The following PGAP4 variants were observed in gnomAD, a reference collection of about 807,000 sequenced individuals.
The protein encoded by PGAP4 is post-GPI attachment to proteins GalNAc transferase 4.
In PGAP4, 12 loss-of-function variants were observed where a neutral mutation model predicts 28.2. The observed-to-expected ratio is 0.42, with a 90% confidence interval of 0.27 to 0.69. The LOEUF (loss-of-function observed/expected upper bound fraction) is 0.69. PGAP4 is among the 30% of genes least tolerant of loss of function. The probability of loss-of-function intolerance (pLI) is 0.22; values close to 1 mark genes in which losing one functional copy is unlikely to be tolerated. For synonymous variants in PGAP4, 205 were observed against 211.8 expected (o/e 0.97, Z 0.28); for missense variants, 425 against 513.5 (o/e 0.83, Z 1.67).
chr9:101,522,568 G>A (rs1423899914), intron 2 of PGAP4, among the ~76,000 whole-genome samples: 1 of 152,084 alleles, frequency 6.6e-6, no homozygotes, highest in Non-Finnish European at 1.5e-5. Flanking sequence ...TGCAAGAAAT[G>A]CCTTTTTTCC....
At chr9:101,516,002 C>T (rs1394802804) in intron 2 of PGAP4, among the ~76,000 whole-genome samples, 3 of 151,928 alleles carry the variant, frequency 2.0e-5, no homozygotes, top group Non-Finnish European at 4.4e-5. Context: ...TTTAGTGGTT[C>T]TACATGGTAA....
At chr9:101,484,267 GAGA>G (rs1175287312) in intron 1 of PGAP4, among the ~76,000 whole-genome samples, 1 of 151,998 alleles carries the variant, frequency 6.6e-6, no homozygotes, top group Non-Finnish European at 1.5e-5. Context: ...GACAGAAAGA[GAGA>G]AGGAGAGAGT....
chr9:101,518,560 T>C (rs1042367217), intron 2 of PGAP4, among the ~76,000 whole-genome samples: 8 of 152,340 alleles, frequency 5.3e-5, no homozygotes, highest in South Asian at 2.1e-4. Context: ...AATATTCTCA[T>C]ACGATGTTTG....
chr9:101,478,957 T>A (rs938085756), intron 1 of PGAP4, among the ~76,000 whole-genome samples: 2 of 152,186 alleles, frequency 1.3e-5, no homozygotes, highest in African/African-American at 4.8e-5. Context: ...TACAGTGACA[T>A]GGTTAATTTC....
At chr9:101,500,896 G>A (rs1826792060) in intron 2 of PGAP4, among the ~76,000 whole-genome samples, 1 of 151,974 alleles carries the variant, frequency 6.6e-6, no homozygotes, top group African/African-American at 2.4e-5. Flanking sequence ...TTGGGAAAAA[G>A]TTGATGTCTG....
intron 2 of PGAP4, among the ~76,000 whole-genome samples, chr9:101,501,483 A>G (rs1826798187): frequency 6.6e-6 from 1 of 152,000 alleles, no homozygotes; most frequent in African/African-American, 2.4e-5. Context: ...TTTTTTTTCA[A>G]GTTTCAGTTA....
chr9:101,509,176 G>T (rs536692749), intron 2 of PGAP4, among the ~76,000 whole-genome samples: 37 of 152,280 alleles, frequency 2.4e-4, no homozygotes, highest in Admixed American at 7.2e-4. Context: ...GTAATGCTCA[G>T]ACTCTTTTGA....
Position 101,474,866 on chromosome 9 carries a change from C to T in PGAP4, c.*1015G>A, listed in dbSNP as rs1050720215. 3 of 152,164 alleles carry T rather than the reference C, an allele frequency of 2.0e-5. No individual in the cohort carries two copies. The highest frequency in any genetic ancestry group is 2.9e-5 in the Non-Finnish European group (2 of 68,036). The allele number at this position is 152,164 out of a possible 1,614,324, so 9.4% of individuals were successfully genotyped here. On this transcript the variant is annotated 3_prime_UTR_variant, in exon 2 of 2. Coordinates refer to ENST00000374848, the MANE Select transcript of PGAP4 (RefSeq NM_032342.3). Reference sequence around the variant, plus strand: ...TTTAACATGTAAGTATTACTGTCCTCATTTTACAGGTGAAGAAATTGAGAC... The same window carrying T: ...TTTAACATGTAAGTATTACTGTCCTTATTTTACAGGTGAAGAAATTGAGAC...
intron 2 of PGAP4, among the ~76,000 whole-genome samples, chr9:101,519,227 C>A (rs61600609): frequency 0.16 from 23,859 of 151,878 alleles, 2,370 homozygotes; most frequent in East Asian, 0.36. Context: ...GTGCAATCTC[C>A]GCTCACTGCA....
At chr9:101,528,000 G>A (rs985161984) in intron 2 of PGAP4, among the ~76,000 whole-genome samples, 7 of 152,182 alleles carry the variant, frequency 4.6e-5, no homozygotes, top group East Asian at 3.9e-4. Context: ...GTGCCTGGGT[G>A]TGCCTAATTA....
chr9:101,497,774 G>A (rs988735880), intron 2 of PGAP4, among the ~76,000 whole-genome samples: 69 of 151,710 alleles, frequency 4.5e-4, no homozygotes, highest in African/African-American at 1.6e-3. Flanking sequence ...TTTTATATGA[G>A]TGCCCTTTTA....
At chr9:101,519,130 T>G (rs1826964370) in intron 2 of PGAP4, among the ~76,000 whole-genome samples, 1 of 151,700 alleles carries the variant, frequency 6.6e-6, no homozygotes, top group Non-Finnish European at 1.5e-5. Flanking sequence ...AATTGCCTAT[T>G]CATGTCCTTG....
chr9:101,502,208 A>G (rs1826809725), intron 2 of PGAP4, among the ~76,000 whole-genome samples: 2 of 151,886 alleles, frequency 1.3e-5, no homozygotes, highest in South Asian at 4.2e-4. Flanking sequence ...CTCTGTTGAC[A>G]CTCTTAATCT....
chr9:101,476,720 A>T lies in PGAP4; in HGVS notation c.373T>A (p.Phe125Ile). ...FHYVLQVVSQ[F>I]HRLLQQCGPQ... ...CCACATTGCTGAAGAAGCCGGTGGAACTGGGACACAACCTGCAGGACGTAG... is the reference window on the plus strand; with the variant it reads ...CCACATTGCTGAAGAAGCCGGTGGATCTGGGACACAACCTGCAGGACGTAG... Residue 125 changes from phenylalanine (F) to isoleucine (I), a missense_variant, in exon 2 of 2, where the codon TTC becomes ATC. Phe to Ile is a conservative substitution (Grantham distance 21). Coordinates refer to ENST00000374848, the MANE Select transcript of PGAP4 (RefSeq NM_032342.3). The surrounding 1 kb of genome is among the most constrained non-coding windows in gnomAD (Gnocchi z 7.0). 1 of 1,614,112 alleles carries T rather than the reference A, an allele frequency of 6.2e-7. No homozygotes were observed. The highest frequency in any genetic ancestry group is 1.1e-5 in the South Asian group (1 of 91,078).
Position 101,475,666 on chromosome 9 carries a change from A to T in PGAP4, c.*215T>A. On this transcript the variant is annotated 3_prime_UTR_variant, in exon 2 of 2. Transcript: ENST00000374848. ...TGCATGAGGCAGTGTGGCTGTGTGG[A>T]GGGAGAGGTCCGGACCTGTGGCAAA... The T allele has an allele frequency of 1.7e-6, 1 of 584,362 alleles. No individual in the cohort carries two copies. Among genetic ancestry groups the T allele is most frequent in the Admixed American group, 3.1e-5 (1 of 32,614 alleles). The allele number at this position is 584,362 out of a possible 1,614,324, so 36.2% of individuals were successfully genotyped here. A position where few individuals can be genotyped will look rare whatever the true frequency, so the allele number is the denominator to read the frequency against.
intron 2 of PGAP4, among the ~76,000 whole-genome samples, chr9:101,497,209 T>G (rs1240992197): frequency 6.6e-6 from 1 of 151,502 alleles, no homozygotes; most frequent in Non-Finnish European, 1.5e-5. Flanking sequence ...CTATGAAAAG[T>G]TTATTTATAA....
At chr9:101,497,312 C>T (rs1168436549) in intron 2 of PGAP4, among the ~76,000 whole-genome samples, 4 of 151,530 alleles carry the variant, frequency 2.6e-5, no homozygotes, top group Admixed American at 6.6e-5. Context: ...ATAGTCACTA[C>T]TTTAAGTTAC....
chr9:101,488,890 A>G (rs530047201), upstream of PGAP4, among the ~76,000 whole-genome samples: 1 of 152,302 alleles, frequency 6.6e-6, no homozygotes, highest in African/African-American at 2.4e-5. Context: ...GTAAGGATTC[A>G]GCTATGAACA....
intron 2 of PGAP4, among the ~76,000 whole-genome samples, chr9:101,524,205 C>A (rs967050718): frequency 6.6e-6 from 1 of 150,668 alleles, no homozygotes; most frequent in Non-Finnish European, 1.5e-5. Context: ...AGTTATGTAC[C>A]TATGAGGATT....
Sources: allele counts gnomAD v4.1 joint callset (sites outside exome capture counted in the v4.1 genomes callset), GRCh38; gene constraint gnomAD v4.1.1; non-coding constraint Gnocchi (gnomAD v3.1); transcripts MANE v1.5; gene names NCBI Gene and HGNC (gene_info 2026-07-23, HGNC 2026-07-21).